WFS1: variants seen among roughly 807,000 people sequenced by gnomAD.
WFS1 encodes wolframin.
A neutral mutation model predicts 68.5 loss-of-function variants in WFS1; 90 were observed. That is an observed-to-expected ratio of 1.31 (90% confidence interval 1.11 to 1.56). The LOEUF (loss-of-function observed/expected upper bound fraction) is 1.56, where lower values mean the gene tolerates loss of function less well. WFS1 is among the 40% of genes most tolerant of loss of function. The probability of loss-of-function intolerance (pLI) is 0.00; values close to 1 mark genes in which losing one functional copy is unlikely to be tolerated. For synonymous variants in WFS1, 860 were observed against 540.7 expected, an observed-to-expected ratio of 1.59 and a Z score of -8.19; for missense variants, 1,767 against 1,232.6, an observed-to-expected ratio of 1.43 and a Z score of -6.49.
chr4:6,299,463 A>G (rs1267343439), intron 7 of WFS1, among the ~76,000 whole-genome samples: 1 of 95,022 alleles, frequency 1.1e-5, no homozygotes, highest in African/African-American at 4.3e-5. Context: ...TGCATGTGTG[A>G]GGGTGCACGT....
chr4:6,277,534 C>G lies in WFS1; in HGVS notation c.79C>G (p.Leu27Val). 6.3e-7 allele frequency: 1 copy of G among 1,588,596 alleles called. No homozygotes were observed. The highest frequency in any genetic ancestry group is 1.1e-5 in the South Asian group (1 of 87,020). The change falls in exon 2 of 8, where the codon CTC becomes GTC. Residue 27 changes from leucine to valine, a missense_variant. Coordinates refer to ENST00000226760, the MANE Select transcript of WFS1 (RefSeq NM_006005.3). ...PAPQPQARSR[L>V]NATASLEQER... is the part of the protein sequence containing the mutation. ...ACCGCAGCCCCAGGCGCGTTCCCGA[C>G]TCAATGCCACAGCCTCGTTGGAGCA...
chr4:6,275,118 A>G (rs1403253741), intron 1 of WFS1, among the ~76,000 whole-genome samples: 1 of 152,240 alleles, frequency 6.6e-6, no homozygotes, highest in Non-Finnish European at 1.5e-5. Context: ...CGAGAAACTC[A>G]TGAGAAAAGA....
intron 4 of WFS1, among the ~76,000 whole-genome samples, chr4:6,289,957 G>C (rs1433618925): frequency 6.6e-6 from 1 of 152,190 alleles, no homozygotes; most frequent in African/African-American, 2.4e-5. Context: ...TTGTTGTTTT[G>C]AGATGGAGTC....
chr4:6,278,646 C>G (rs1730064787), intron 2 of WFS1, among the ~76,000 whole-genome samples: 1 of 152,190 alleles, frequency 6.6e-6, no homozygotes, highest in African/African-American at 2.4e-5. Flanking sequence ...TCCCAGTCAC[C>G]CCACTGGCAG....
In WFS1 at chr4:6,300,921, A is replaced by T; in HGVS notation, c.1126A>T (p.Thr376Ser). The stretch of plus-strand genomic sequence containing the variant: ...CAGCAAGGCCTGGGAGAACTTCCGC[A>T]CCCTCACCGACCTGCTGCTGCGCTT... ...QDSKAWENFR[T>S]LTDLLLRFEP... The change falls in exon 8 of 8, where the codon ACC becomes TCC. Residue 376 changes from threonine to serine, a missense_variant. Transcript: ENST00000226760. 1 of 1,613,972 alleles carries T rather than the reference A, an allele frequency of 6.2e-7. No individual in the cohort carries two copies. The highest frequency in any genetic ancestry group is 8.5e-7 in the Non-Finnish European group (1 of 1,179,984).
intron 7 of WFS1, among the ~76,000 whole-genome samples, chr4:6,296,754 G>T (rs1194068042): frequency 6.6e-6 from 1 of 152,242 alleles, no homozygotes; most frequent in African/African-American, 2.4e-5. Flanking sequence ...TTGCATATGC[G>T]TCCTGTTCGG....
In WFS1 at chr4:6,295,065, A is replaced by G. The variant is rs765143452; in HGVS notation, c.737A>G (p.Asp246Gly). 6.2e-7 allele frequency: 1 copy of G among 1,613,514 alleles called. No individual in the cohort carries two copies. Among genetic ancestry groups the G allele is most frequent in the East Asian group, 2.2e-5 (1 of 44,856 alleles). The change falls in exon 7 of 8, where the codon GAC becomes GGC. Residue 246 changes from aspartate (D) to glycine (G), a missense_variant. Asp to Gly is a moderately conservative substitution (Grantham distance 94). Coordinates refer to ENST00000226760, the MANE Select transcript of WFS1 (RefSeq NM_006005.3). ...SESKNYIALD[D>G]FVEITKKYAK... ...GCCAAGAACTACATCGCGCTGGATGACTTTGTGGAGATCACTAAGAAGTAC... is the reference window on the plus strand; with the variant it reads ...GCCAAGAACTACATCGCGCTGGATGGCTTTGTGGAGATCACTAAGAAGTAC...
chr4:6,273,748 C>A lies in WFS1; in HGVS notation c.-5-3703C>A, dbSNP rs115659139. 7.1e-3 allele frequency among the ~76,000 whole-genome samples: 1,082 copies of A among 152,306 alleles called. 5 individuals are homozygous for A. The highest frequency in any genetic ancestry group is 0.011 in the Non-Finnish European group (747 of 68,024). On this transcript the variant is annotated intron_variant, in intron 1 of 7. Coordinates refer to ENST00000226760, the MANE Select transcript of WFS1 (RefSeq NM_006005.3). ...GGAGATCTTTTCTGATCTTCATTGT[C>A]CCTGTGACCAACCATGACCAGGAAT...
Position 6,301,615 on chromosome 4 carries a change from C to T in WFS1, c.1820C>T (p.Pro607Leu), listed in dbSNP as rs373862003. 2.1e-5 allele frequency: 34 copies of T among 1,614,118 alleles called. No individual in the cohort carries two copies. The African/African-American group carries it at 2.1e-4, about 10-fold the overall frequency. ...GTCACCGTGGCGGTCTGTAGTGTGC[C>T]CCTGCTGTTGCGCTGGTGGACCAAG... ...IAVTVAVCSV[P>L]LLLRWWTKAS... Residue 607 changes from proline to leucine, a missense_variant, in exon 8 of 8, where the codon CCC becomes CTC. Pro to Leu is a moderately conservative substitution (Grantham distance 98). Coordinates refer to ENST00000226760, the MANE Select transcript of WFS1 (RefSeq NM_006005.3).
At chr4:6,291,390 C>T (rs778457508) in intron 5 of WFS1, 23 bp downstream of exon 5, 1 of 1,609,816 alleles carries the variant, frequency 6.2e-7, no homozygotes, top group East Asian at 2.2e-5. Context: ...ACCCTGGGCA[C>T]CAGCCTTCCC....
chr4:6,274,501 C>G (rs904141595), intron 1 of WFS1, among the ~76,000 whole-genome samples: 33 of 152,080 alleles, frequency 2.2e-4, no homozygotes, highest in Admixed American at 2.2e-3. Context: ...GTAACCGACG[C>G]CCCACACCAT....
intron 4 of WFS1, among the ~76,000 whole-genome samples, chr4:6,290,045 TCTC>T (rs1435645574): frequency 1.3e-5 from 2 of 152,106 alleles, no homozygotes; most frequent in African/African-American, 4.8e-5. Flanking sequence ...TTCAAGCAAT[TCTC>T]CTGCCTCAGC....
rs965980047 is a variant in WFS1 at position 6,296,218 on chromosome 4, T to TG, written c.861+1036dup. On this transcript the variant is annotated intron_variant, in intron 7 of 7. Transcript: ENST00000226760. Reference sequence around the variant, plus strand: ...AGGTCAGAGTAGGCCCGCCCTCCGGTGGGGGGGAAGAGCAGGAACCCAGGT... The same window carrying TG: ...AGGTCAGAGTAGGCCCGCCCTCCGGTGGGGGGGGAAGAGCAGGAACCCAGGT... Among the ~76,000 whole-genome samples, 11 of 151,966 alleles carry TG rather than the reference T, an allele frequency of 7.2e-5. No homozygotes were observed. The South Asian group carries it at 1.3e-3, about 17-fold the overall frequency.
intron 4 of WFS1, among the ~76,000 whole-genome samples, chr4:6,290,657 G>A (rs1271153452): frequency 6.6e-6 from 1 of 152,236 alleles, no homozygotes; most frequent in Non-Finnish European, 1.5e-5. Flanking sequence ...AGGCCGTTGG[G>A]GGTAAAGGGA....
At position 6,300,752 on chromosome 4, in the gene WFS1, C is replaced by T; in HGVS notation, c.957C>T (p.Ile319=). 6.2e-7 allele frequency: 1 copy of T among 1,614,100 alleles called. No individual in the cohort carries two copies. Among genetic ancestry groups the T allele is most frequent in the Non-Finnish European group, 8.5e-7 (1 of 1,179,998 alleles). The change falls in exon 8 of 8, where the codon ATC becomes ATT. Residue 319 remains isoleucine (I), a synonymous_variant. Coordinates refer to ENST00000226760, the MANE Select transcript of WFS1 (RefSeq NM_006005.3). The stretch of plus-strand genomic sequence containing the variant: ...GCATGCACTGGCTGTCCACCATCAT[C>T]CCCACGCACCACATCAACGCGCTCA... The part of the protein sequence containing the change: ...RAGMHWLSTI[I]PTHHINALIF...
rs748103155 is a variant in WFS1 at position 6,301,058 on chromosome 4, C to T, written c.1263C>T (p.Ile421=). 60 of 1,614,058 alleles carry T rather than the reference C, an allele frequency of 3.7e-5. No homozygotes were observed. The highest frequency in any genetic ancestry group is 8.3e-5 in the Admixed American group (5 of 60,010). Residue 421 remains isoleucine (I), a synonymous_variant, in exon 8 of 8, where the codon ATC becomes ATT. Coordinates refer to ENST00000226760, the MANE Select transcript of WFS1 (RefSeq NM_006005.3). ...TCTTCGTCATCTTCTCCTTCCCCAT[C>T]GCCAGCAAGGACTGCATCCCCTGCT... ...SVFFVIFSFP[I]ASKDCIPCSE...
At chr4:6,298,707 T>A (rs891454306) in intron 7 of WFS1, among the ~76,000 whole-genome samples, 5 of 152,240 alleles carry the variant, frequency 3.3e-5, no homozygotes, top group African/African-American at 7.2e-5. Context: ...TCCTCTCATC[T>A]GTGGAAGACT....
At position 6,301,739 on chromosome 4, in the gene WFS1, G is replaced by C. The variant is rs104893879; in HGVS notation, c.1944G>C (p.Trp648Cys). The part of the protein sequence containing the change: ...VWLTAIVLFC[W>C]FYVYRSEGMK... ...TCACGGCCATCGTGCTGTTCTGCTG[G>C]TTCTATGTGTACCGCTCAGAGGGCA... is the stretch of plus-strand genomic sequence containing the variant. Residue 648 changes from tryptophan (W) to cysteine (C), a missense_variant, in exon 8 of 8, where the codon TGG becomes TGC. By Grantham distance (215) the Trp-to-Cys change is radical. Transcript: ENST00000226760. The C allele has an allele frequency of 6.2e-7, 1 of 1,613,948 alleles. No homozygotes were observed. The highest frequency in any genetic ancestry group is 1.1e-5 in the South Asian group (1 of 91,086).
intron 4 of WFS1, 79 bp downstream of exon 4, chr4:6,289,210 A>G: frequency 6.7e-7 from 1 of 1,501,772 alleles, no homozygotes; most frequent in East Asian, 2.5e-5. Context: ...AACAACTAAA[A>G]TCTTACCAAA....
Sources: allele counts gnomAD v4.1 joint callset (sites outside exome capture counted in the v4.1 genomes callset), GRCh38; gene constraint gnomAD v4.1.1; transcripts MANE v1.5; gene names NCBI Gene and HGNC (gene_info 2026-07-23, HGNC 2026-07-21).